CCDC171: variants seen among roughly 807,000 people sequenced by gnomAD.
CCDC171 encodes the protein coiled-coil domain containing 171.
A neutral mutation model predicts 168.2 loss-of-function variants in CCDC171; 177 were observed. The ratio of observed to expected loss-of-function variants is 1.05; its 90% CI spans 0.93 to 1.19. CCDC171 has a LOEUF of 1.19. Among genes scored for constraint, CCDC171 ranks in the 50% most tolerant of loss-of-function variants. The pLI is 0.00. For synonymous variants in CCDC171, 687 were observed against 540.8 expected (o/e 1.27, Z -3.75); for missense variants, 1,991 against 1,539.0 (o/e 1.29, Z -4.91).
intron 24 of CCDC171, chr9:15,883,163 G>C (rs1818934312): frequency 2.9e-6 from 1 of 348,304 alleles, no homozygotes; most frequent in African/African-American, 2.2e-5. Context: ...TGAGTACCTA[G>C]GACCACAGGT....
chr9:15,615,792 T>G (rs2044036020), intron 6 of CCDC171, among the ~76,000 whole-genome samples: 1 of 151,788 alleles, frequency 6.6e-6, no homozygotes. Context: ...TTTTTTTTTT[T>G]TCTTCAGACA....
chr9:15,743,229 A>G (rs6474961), intron 16 of CCDC171, among the ~76,000 whole-genome samples: 134,960 of 142,232 alleles, frequency 0.95, 64,057 homozygotes, highest in East Asian at 1. Context: ...GCAGTGGCAT[A>G]ATCATGGCTC....
chr9:15,761,176 C>T (rs1176979789), intron 18 of CCDC171, among the ~76,000 whole-genome samples: 2 of 152,110 alleles, frequency 1.3e-5, no homozygotes, highest in Non-Finnish European at 2.9e-5. Context: ...GTAATTACGT[C>T]TTAATTGTCT....
chr9:15,724,245 TCTCAGAAGTTTCCCAG>T lies in CCDC171; in HGVS notation c.1491+500_1491+515del, dbSNP rs2053663455. 2.6e-5 allele frequency among the ~76,000 whole-genome samples: 4 copies of T among 152,302 alleles called. No homozygotes were observed. In the South Asian group the frequency reaches 8.3e-4, roughly 32 times the overall value. ...CTTTGCAAAATTATGCTGAGTCAAC[TCTCAGAAGTTTCCCAG>T]TATTGCTGGAATTTCATTATGTTGT... On this transcript the variant is annotated intron_variant, in intron 13 of 25. Coordinates refer to ENST00000380701, the MANE Select transcript of CCDC171 (RefSeq NM_173550.4).
chr9:15,772,310 G>A (rs543003609), intron 18 of CCDC171, among the ~76,000 whole-genome samples: 1 of 151,882 alleles, frequency 6.6e-6, no homozygotes, highest in South Asian at 2.1e-4. Context: ...TTTCATGAAT[G>A]TATATCTGTG....
intron 24 of CCDC171, among the ~76,000 whole-genome samples, chr9:15,882,099 C>T (rs890288448): frequency 2.6e-5 from 4 of 152,158 alleles, no homozygotes; most frequent in Non-Finnish European, 4.4e-5. Flanking sequence ...TTTTTACTGG[C>T]ATCCATTATT....
intron 21 of CCDC171, among the ~76,000 whole-genome samples, chr9:15,808,656 T>G (rs1017424797): frequency 6.6e-6 from 1 of 152,022 alleles, no homozygotes; most frequent in Non-Finnish European, 1.5e-5. Context: ...CAGAGTAAGG[T>G]TAGGATATCA....
chr9:15,946,020 C>G (rs983775632), intron 25 of CCDC171, among the ~76,000 whole-genome samples: 1 of 151,504 alleles, frequency 6.6e-6, no homozygotes, highest in African/African-American at 2.4e-5. Context: ...TTAGGTCTAT[C>G]GTTTAAGTCT....
intron 25 of CCDC171, among the ~76,000 whole-genome samples, chr9:15,933,455 G>A (rs759803097): frequency 6.6e-6 from 1 of 151,530 alleles, no homozygotes; most frequent in Non-Finnish European, 1.5e-5. Flanking sequence ...TCCAAAAAAC[G>A]AATGCTTCAG....
intron 7 of CCDC171, among the ~76,000 whole-genome samples, chr9:15,629,228 A>C (rs1250334424): frequency 6.6e-6 from 1 of 151,974 alleles, no homozygotes; most frequent in Non-Finnish European, 1.5e-5. Flanking sequence ...CGATCAAACT[A>C]CTCCGAGCTA....
intron 25 of CCDC171, among the ~76,000 whole-genome samples, chr9:15,947,149 C>T (rs1347616222): frequency 2.0e-5 from 3 of 151,868 alleles, no homozygotes; most frequent in African/African-American, 7.2e-5. Context: ...TGATGTGTGT[C>T]ACCATTGTTA....
intron 10 of CCDC171, among the ~76,000 whole-genome samples, chr9:15,683,933 T>C (rs552467777): frequency 2.6e-5 from 4 of 152,202 alleles, no homozygotes; most frequent in African/African-American, 9.6e-5. Flanking sequence ...TTATGTGAGA[T>C]AAGCAAGTGG....
At chr9:15,926,090 T>C (rs1825861202) in intron 25 of CCDC171, among the ~76,000 whole-genome samples, 2 of 151,728 alleles carry the variant, frequency 1.3e-5, no homozygotes, top group South Asian at 4.1e-4. Flanking sequence ...GATGCACAAA[T>C]GAGAGAAGAG....
At chr9:15,795,749 C>G (rs1019989230) in intron 21 of CCDC171, among the ~76,000 whole-genome samples, 1 of 152,214 alleles carries the variant, frequency 6.6e-6, no homozygotes. Context: ...TGCCTAGCAG[C>G]TACATGAGAA....
intron 6 of CCDC171, among the ~76,000 whole-genome samples, chr9:15,619,967 C>T (rs1490939072): frequency 6.6e-6 from 1 of 152,190 alleles, no homozygotes; most frequent in Admixed American, 6.5e-5. Flanking sequence ...GCCCAGATGA[C>T]AGCTCATCTC....
intron 25 of CCDC171, among the ~76,000 whole-genome samples, chr9:15,934,053 A>G (rs1298963705): frequency 6.6e-6 from 1 of 151,978 alleles, no homozygotes; most frequent in Non-Finnish European, 1.5e-5. Flanking sequence ...TACTATGCAA[A>G]GAACTCTTAC....
Position 15,662,092 on chromosome 9 carries a change from C to T in CCDC171, c.916-4071C>T, listed in dbSNP as rs148746015. Among the ~76,000 whole-genome samples, 1,474 of 152,262 alleles carry T rather than the reference C, an allele frequency of 9.7e-3. 27 individuals carry two copies. Among genetic ancestry groups the T allele is most frequent in the African/African-American group, 0.034 (1,408 of 41,538 alleles). On this transcript the variant is annotated intron_variant, in intron 8 of 25. Transcript: ENST00000380701. ...AGGAGTTCCAGACCAGTCTGGCCAA[C>T]GTGGCGAAACCCCGTCTCTGCTAAA...
At chr9:15,642,090 G>A (rs560528554) in intron 7 of CCDC171, among the ~76,000 whole-genome samples, 1 of 152,076 alleles carries the variant, frequency 6.6e-6, no homozygotes, top group South Asian at 2.1e-4. Flanking sequence ...CTTGAAACCA[G>A]GAGGTGGTTG....
At chr9:16,099,059 G>C in the CCDC171 span, among the ~76,000 whole-genome samples, 7 of 152,286 alleles carry the variant, frequency 4.6e-5, no homozygotes, top group East Asian at 1.2e-3. Flanking sequence ...TGAAAAACTG[G>C]TCAATATCAA....
Sources: allele counts gnomAD v4.1 joint callset (sites outside exome capture counted in the v4.1 genomes callset), GRCh38; gene constraint gnomAD v4.1.1; transcripts MANE v1.5; gene names NCBI Gene and HGNC (gene_info 2026-07-23, HGNC 2026-07-21).